The following ZFAT variants were observed in gnomAD, a reference collection of about 807,000 sequenced individuals.
ZFAT encodes the protein zinc finger protein ZFAT.
A neutral mutation model predicts 117.7 loss-of-function variants in ZFAT; 64 were observed. The ratio of observed to expected loss-of-function variants is 0.54; its 90% CI spans 0.44 to 0.67. ZFAT has a LOEUF of 0.67. Among genes scored for constraint, ZFAT ranks in the 30% least tolerant of loss-of-function variants. The pLI, the probability that ZFAT is intolerant of heterozygous loss-of-function variation, is 0.00. For missense variants in ZFAT, 1,433 were observed against 1,584.5 expected (o/e 0.90, Z 1.62); for synonymous variants, 679 against 615.0 (o/e 1.10, Z -1.54).
chr8:134,484,528 C>T (rs1817537148), intron 15 of ZFAT, among the ~76,000 whole-genome samples: 1 of 152,106 alleles, frequency 6.6e-6, no homozygotes, highest in African/African-American at 2.4e-5. Context: ...TCCAAAAGTC[C>T]CAAAGGTCCA....
At chr8:134,717,085 G>T (rs886446338), upstream of ZFAT, among the ~76,000 whole-genome samples, 7 of 152,204 alleles carry the variant, frequency 4.6e-5, no homozygotes, top group African/African-American at 1.7e-4. Context: ...GGATTAGCCA[G>T]ATGTCCTAAG....
At chr8:134,741,838 C>T in the ZFAT span, among the ~76,000 whole-genome samples, 1 of 151,968 alleles carries the variant, frequency 6.6e-6, no homozygotes, top group African/African-American at 2.4e-5. Flanking sequence ...AATGGCAATA[C>T]CTTTCCACCA....
intron 15 of ZFAT, among the ~76,000 whole-genome samples, chr8:134,479,949 A>T (rs1354766518): frequency 2.1e-5 from 3 of 142,336 alleles, no homozygotes; most frequent in Non-Finnish European, 3.0e-5. Context: ...ATTCAACCAC[A>T]CTTTTTTTTT....
intron 10 of ZFAT, among the ~76,000 whole-genome samples, chr8:134,566,484 C>A (rs1326152106): frequency 6.6e-6 from 1 of 151,322 alleles, no homozygotes; most frequent in East Asian, 2.0e-4. Flanking sequence ...ATATGAGGTA[C>A]CCTACATTTT....
intron 1 of ZFAT, 45 bp downstream of exon 1, chr8:134,712,800 G>GCCC (rs1586982209): frequency 1.7e-4 from 191 of 1,140,146 alleles, no homozygotes; most frequent in Non-Finnish European, 2.1e-4. Flanking sequence ...GCCGCGCCGC[G>GCCC]CCCCACCCCC....
chr8:134,808,338 C>T, the ZFAT span, among the ~76,000 whole-genome samples: 2 of 152,226 alleles, frequency 1.3e-5, no homozygotes, highest in Admixed American at 1.3e-4. Context: ...CTCAGCCTCC[C>T]AGGCTGCTGA....
intron 2 of ZFAT, among the ~76,000 whole-genome samples, chr8:134,641,995 A>C (rs1331746193): frequency 6.6e-6 from 1 of 152,226 alleles, no homozygotes; most frequent in Non-Finnish European, 1.5e-5. Context: ...TAATAACGTA[A>C]GCCCTTTATT....
At chr8:134,771,235 TTC>T in the ZFAT span, among the ~76,000 whole-genome samples, 2 of 152,204 alleles carry the variant, frequency 1.3e-5, no homozygotes, top group Admixed American at 1.3e-4. Flanking sequence ...GCTTTAAAAT[TTC>T]TCTCTTTTGT....
At chr8:134,766,612 C>T in the ZFAT span, 1 of 152,218 alleles carries the variant, frequency 6.6e-6, no homozygotes, top group Admixed American at 6.5e-5. Flanking sequence ...CTGTACTCTA[C>T]ACACTGGGTT....
chr8:134,598,210 G>C (rs536965130), intron 7 of ZFAT: 3 of 152,316 alleles, frequency 2.0e-5, no homozygotes, highest in South Asian at 4.1e-4. Context: ...GTTACCAAAC[G>C]ACTCTGTAAT....
In ZFAT at chr8:134,663,496, CGGGAG is replaced by C. The variant is rs1278248971; in HGVS notation, c.20-5764_20-5760del. The stretch of plus-strand genomic sequence containing the variant: ...ACTTCTGCCTGTAATCCCAGCACTT[CGGGAG>C]GGCAAGGTGGGTGGATCACGAGGTC... On this transcript the variant is annotated intron_variant, in intron 1 of 15. Coordinates refer to ENST00000377838, the MANE Select transcript of ZFAT (RefSeq NM_020863.4). Among the ~76,000 whole-genome samples the C allele has an allele frequency of 7.3e-4, 111 of 152,120 alleles. 2 individuals are homozygous for C. In the Middle Eastern group the frequency reaches 0.024, roughly 33 times the overall value.
the ZFAT span, among the ~76,000 whole-genome samples, chr8:134,808,229 G>A: frequency 6.6e-6 from 1 of 152,172 alleles, no homozygotes; most frequent in African/African-American, 2.4e-5. Flanking sequence ...GCTAGGCCCT[G>A]GGAGAAACAA....
chr8:134,561,806 A>G (rs1025224455), intron 11 of ZFAT, among the ~76,000 whole-genome samples: 1 of 152,208 alleles, frequency 6.6e-6, no homozygotes, highest in Admixed American at 6.5e-5. Flanking sequence ...TGCCATTGGT[A>G]TATGTATGAA....
intron 1 of ZFAT, among the ~76,000 whole-genome samples, chr8:134,688,096 G>A (rs1334570225): frequency 6.6e-6 from 1 of 152,084 alleles, no homozygotes; most frequent in African/African-American, 2.4e-5. Context: ...GATGGGCGGT[G>A]GGGGGGATCT....
intron 2 of ZFAT, among the ~76,000 whole-genome samples, chr8:134,644,888 C>T (rs1433153823): frequency 6.6e-6 from 1 of 152,082 alleles, no homozygotes; most frequent in Non-Finnish European, 1.5e-5. Flanking sequence ...CACACTCAAA[C>T]GTGCCTATAT....
At chr8:134,669,397 G>A (rs901463247) in intron 1 of ZFAT, among the ~76,000 whole-genome samples, 10 of 152,188 alleles carry the variant, frequency 6.6e-5, no homozygotes, top group African/African-American at 9.7e-5. Context: ...GACTAACAAC[G>A]GATCTCTCGG....
At chr8:134,587,209 C>T (rs1274216480) in intron 9 of ZFAT, among the ~76,000 whole-genome samples, 2 of 152,178 alleles carry the variant, frequency 1.3e-5, no homozygotes, top group African/African-American at 2.4e-5. Context: ...AGTCCATAGG[C>T]ACCCCAACAC....
At chr8:134,526,803 T>C (rs1015008164) in intron 12 of ZFAT, among the ~76,000 whole-genome samples, 1 of 152,072 alleles carries the variant, frequency 6.6e-6, no homozygotes, top group Admixed American at 6.6e-5. Context: ...TTTTCTCTTC[T>C]ATGAAGGTGA....
intron 1 of ZFAT, among the ~76,000 whole-genome samples, chr8:134,690,238 C>T (rs1025393851): frequency 6.6e-6 from 1 of 152,194 alleles, no homozygotes; most frequent in Non-Finnish European, 1.5e-5. Context: ...TCCACCACCC[C>T]CAAACTCTTT....
Sources: allele counts gnomAD v4.1 joint callset (sites outside exome capture counted in the v4.1 genomes callset), GRCh38; gene constraint gnomAD v4.1.1; transcripts MANE v1.5; gene names NCBI Gene and HGNC (gene_info 2026-07-23, HGNC 2026-07-21).